The following ZNF160 variants were observed in gnomAD, a reference collection of about 807,000 sequenced individuals.
ZNF160 encodes the protein KRAB zinc finger protein KR18.
ZNF160 carries 9 observed loss-of-function variants against 13.1 expected under a neutral mutation model. That is an observed-to-expected ratio of 0.69 (90% CI 0.41 to 1.20). The LOEUF is 1.20. Ranked by LOEUF, ZNF160 falls within the 50% of genes most tolerant of loss-of-function variation. The pLI is 0.01. For synonymous variants in ZNF160, 293 were observed against 333.2 expected (o/e 0.88, Z 1.31); for missense variants, 838 against 988.0 (o/e 0.85, Z 2.04).
chr19:53,078,101 A>C lies in ZNF160; in HGVS notation c.16-2918T>G, dbSNP rs541407966. Among the ~76,000 whole-genome samples, 11 of 152,230 alleles carry C rather than the reference A, an allele frequency of 7.2e-5. No individual in the cohort carries two copies. The South Asian group carries it at 2.1e-3, about 29-fold the overall frequency. ...CAAAAATACAAAAACTTAGCTGGGC[A>C]TGGTGGTGGGCACCTGTAATCCCAA... is the stretch of plus-strand genomic sequence containing the variant. On this transcript the variant is annotated intron_variant, in intron 3 of 5. Coordinates refer to ENST00000683776, the MANE Select transcript of ZNF160 (RefSeq NM_001322131.2).
intron 3 of ZNF160, chr19:53,075,453 G>A (rs1396322408): frequency 2.5e-6 from 1 of 392,502 alleles, no homozygotes; most frequent in East Asian, 6.0e-5. Context: ...AGGATGGAGG[G>A]CGGTCACCGG....
Position 53,069,649 on chromosome 19 carries a change from A to C in ZNF160, c.885T>G (p.Thr295=), listed in dbSNP as rs750489651. The change falls in exon 6 of 6, where the codon ACT becomes ACG. Residue 295 remains threonine (T), a synonymous_variant. Transcript: ENST00000683776. This position sits in a 1 kb window ranked among gnomAD's most constrained non-coding sequence, Gnocchi z 4.4. ...GATGAATAGTTAGATTTGAACGAAC[A>C]GTAAAGGTTTTGCCGCACTCACTGC... ...YKCSECGKTF[T]VRSNLTIHQV... is the part of the protein sequence containing the mutation. 10 of 1,613,944 alleles carry C rather than the reference A, an allele frequency of 6.2e-6. No homozygotes were observed. The highest frequency in any genetic ancestry group is 8.5e-6 in the Non-Finnish European group (10 of 1,179,812).
chr19:53,090,886 G>C (rs1392658551), intron 2 of ZNF160: 1 of 152,276 alleles, frequency 6.6e-6, no homozygotes, highest in African/African-American at 2.4e-5. Context: ...AGTGAGTAAA[G>C]GGTTTTAAGC....
chr19:53,087,639 C>T (rs2145840449), intron 2 of ZNF160, among the ~76,000 whole-genome samples: 1 of 152,270 alleles, frequency 6.6e-6, no homozygotes, highest in Non-Finnish European at 1.5e-5. Flanking sequence ...CAGCCTCCGC[C>T]TCCTGGGTTC....
chr19:53,101,423 A>ATAT (rs1568513243), intron 1 of ZNF160, among the ~76,000 whole-genome samples: 29 of 149,124 alleles, frequency 1.9e-4, no homozygotes, highest in African/African-American at 6.9e-4. Flanking sequence ...CCATTTTGAA[A>ATAT]ATATATATAT....
intron 2 of ZNF160, among the ~76,000 whole-genome samples, chr19:53,088,957 A>T (rs1440902244): frequency 6.6e-6 from 1 of 152,078 alleles, no homozygotes; most frequent in African/African-American, 2.4e-5. Context: ...CTTCCCTAAC[A>T]CTTTCCTTGG....
intron 3 of ZNF160, among the ~76,000 whole-genome samples, chr19:53,081,290 T>C (rs1489786374): frequency 2.0e-5 from 3 of 152,060 alleles, no homozygotes; most frequent in Non-Finnish European, 4.4e-5. Context: ...TTAAAGAGCT[T>C]GTACACAGAA....
chr19:53,090,451 T>C (rs2084992699), intron 2 of ZNF160, among the ~76,000 whole-genome samples: 1 of 152,186 alleles, frequency 6.6e-6, no homozygotes, highest in Non-Finnish European at 1.5e-5. Flanking sequence ...TCCTTCTCAG[T>C]TTTTCTATTT....
intron 3 of ZNF160, chr19:53,077,035 A>G (rs1007862562): frequency 2.0e-5 from 3 of 152,220 alleles, no homozygotes; most frequent in African/African-American, 7.2e-5. Flanking sequence ...ACAGGACCCC[A>G]GGTAAGGAAG....
chr19:53,100,720 C>T (rs2085414703), intron 1 of ZNF160, among the ~76,000 whole-genome samples: 1 of 151,998 alleles, frequency 6.6e-6, no homozygotes, highest in Non-Finnish European at 1.5e-5. Context: ...TGATGGCCGG[C>T]GTAGTGGCTC....
rs1037635406 is a variant in ZNF160 at position 53,085,283 on chromosome 19, G to A, written c.15+979C>T. The A allele has an allele frequency of 2.2e-5, 19 of 871,564 alleles. No individual in the cohort carries two copies. In the Middle Eastern group the frequency reaches 3.0e-3, roughly 136 times the overall value. 54.0% of individuals were successfully genotyped at this position (871,564 alleles called of 1,614,324 possible). A position where few individuals can be genotyped will look rare whatever the true frequency, so the allele number is the denominator to read the frequency against. On this transcript the variant is annotated intron_variant, in intron 3 of 5. Coordinates refer to ENST00000683776, the MANE Select transcript of ZNF160 (RefSeq NM_001322131.2). Reference sequence around the variant, plus strand: ...AACATATCACAACCAAACATTCACTGAGGAATTTGTTTAAATCTCATAATG... The same window carrying A: ...AACATATCACAACCAAACATTCACTAAGGAATTTGTTTAAATCTCATAATG...
At chr19:53,083,640 C>T (rs2084719222) in intron 3 of ZNF160, among the ~76,000 whole-genome samples, 1 of 152,220 alleles carries the variant, frequency 6.6e-6, no homozygotes, top group African/African-American at 2.4e-5. Context: ...TGGCTCATGC[C>T]TATAATCCCA....
intron 3 of ZNF160, among the ~76,000 whole-genome samples, chr19:53,077,873 G>A (rs1458122166): frequency 6.6e-6 from 1 of 151,836 alleles, no homozygotes; most frequent in East Asian, 1.9e-4. Flanking sequence ...CAATAAATAT[G>A]AGATTATCAA....
rs1203931393 is a variant in ZNF160 at position 53,069,994 on chromosome 19, C to T, written c.540G>A (p.Gln180=). Residue 180 remains glutamine (Q), a synonymous_variant, in exon 6 of 6, where the codon CAG becomes CAA. Transcript: ENST00000683776. The surrounding 1 kb of genome is among the most constrained non-coding windows in gnomAD (Gnocchi z 4.4). The part of the protein sequence containing the change: ...RDIENKLMNN[Q]LGVSFHSHLP... ...GATGAGAATGAAAGCTTACTCCAAG[C>T]TGATTGTTCATAAGCTTGTTTTCTA... 2 of 1,614,112 alleles carry T rather than the reference C, an allele frequency of 1.2e-6. No homozygotes were observed. The highest frequency in any genetic ancestry group is 1.7e-6 in the Non-Finnish European group (2 of 1,180,030).
intron 2 of ZNF160, 156 bp from the exon 3 acceptor site, chr19:53,086,477 G>A (rs994329704): frequency 9.1e-6 from 2 of 220,534 alleles, no homozygotes; most frequent in East Asian, 1.8e-4. Context: ...CTGCACCAGG[G>A]GGAATACGGG....
In ZNF160 at chr19:53,086,318, C is replaced by T. The variant is rs1432228546; in HGVS notation, c.-42G>A. ...TTCCTCTTCCTCTTCTTCCAGACTT[C>T]TTCCTTGGGTAACATAAAAGAGTCT... On this transcript the variant is annotated 5_prime_UTR_variant, in exon 3 of 6. Transcript: ENST00000683776. 8.9e-6 allele frequency: 14 copies of T among 1,571,678 alleles called. No individual in the cohort carries two copies. Among genetic ancestry groups the T allele is most frequent in the Non-Finnish European group, 1.2e-5 (14 of 1,162,130 alleles).
At chr19:53,097,307 A>C in intron 1 of ZNF160, among the ~76,000 whole-genome samples, 1 of 142,808 alleles carries the variant, frequency 7.0e-6, no homozygotes, top group Non-Finnish European at 1.5e-5. Context: ...CCTGATAATC[A>C]CTCCCTCTTG....
chr19:53,073,440 A>G, intron 5 of ZNF160: 1 of 1,598,090 alleles, frequency 6.3e-7, no homozygotes, highest in Non-Finnish European at 8.5e-7. Context: ...ACGGCTGGAG[A>G]CTCTTCCATG....
chr19:53,090,217 C>T (rs998966100), intron 2 of ZNF160, among the ~76,000 whole-genome samples: 3 of 152,116 alleles, frequency 2.0e-5, no homozygotes, highest in African/African-American at 7.2e-5. Flanking sequence ...CAAATTCCTC[C>T]TCCTCTCCCC....
Sources: gnomAD v4.1 joint callset for allele counts (sites outside exome capture counted in the v4.1 genomes callset) on GRCh38, gnomAD v4.1.1 for gene constraint, Gnocchi (gnomAD v3.1) non-coding constraint, MANE v1.5 for transcripts, NCBI Gene and HGNC (gene_info 2026-07-23, HGNC 2026-07-21) for gene names.